The following FREM2 variants were observed in gnomAD, a reference collection of about 807,000 sequenced individuals.
FREM2 encodes FRAS1-related extracellular matrix protein 2.
Under a neutral mutation model 219.9 loss-of-function variants are expected in FREM2, and 119 were observed. That is an observed-to-expected ratio of 0.54 (90% CI 0.47 to 0.63). The LOEUF (loss-of-function observed/expected upper bound fraction) is 0.63. Ranked by LOEUF, FREM2 falls within the 30% of genes least tolerant of loss-of-function variation. The pLI is 0.00. For synonymous variants in FREM2, 1,562 were observed against 1,522.8 expected (o/e 1.03, Z -0.60); for missense variants, 4,030 against 3,993.6 (o/e 1.01, Z -0.25).
intron 3 of FREM2, among the ~76,000 whole-genome samples, chr13:38,765,755 G>A (rs185122460): frequency 5.3e-5 from 8 of 151,826 alleles, no homozygotes; most frequent in East Asian, 1.9e-4. Context: ...GTTTTCACAC[G>A]ACACTTTCCC....
intron 2 of FREM2, among the ~76,000 whole-genome samples, chr13:38,714,102 G>C (rs933839639): frequency 2.6e-5 from 4 of 152,224 alleles, no homozygotes; most frequent in African/African-American, 9.6e-5. Context: ...GTGATAAACT[G>C]TTTAGGGACA....
At chr13:38,830,989 C>G (rs1593433672) in intron 6 of FREM2, among the ~76,000 whole-genome samples, 1 of 152,022 alleles carries the variant, frequency 6.6e-6, no homozygotes, top group African/African-American at 2.4e-5. Context: ...AGATGAGGCC[C>G]CAGGAATGTG....
chr13:38,798,521 A>G (rs747461712), intron 6 of FREM2, among the ~76,000 whole-genome samples: 3 of 151,944 alleles, frequency 2.0e-5, no homozygotes, highest in Non-Finnish European at 4.4e-5. Context: ...TATTTTTTGT[A>G]CTAGTTTTAG....
chr13:38,872,177 TAA>T (rs973933445), intron 16 of FREM2, among the ~76,000 whole-genome samples: 2 of 152,174 alleles, frequency 1.3e-5, no homozygotes, highest in African/African-American at 4.8e-5. Flanking sequence ...AACATTATGC[TAA>T]ATGAAAGAAA....
In FREM2 at chr13:38,838,665, A is replaced by G. The variant is rs1340892605; in HGVS notation, c.6020-7908A>G. ...TTGGAGGCTTTGTTCGTTCCTTTTC[A>G]TTATGTTTTCTCTAATCTTGTCTTC... On this transcript the variant is annotated intron_variant, in intron 6 of 23. Coordinates refer to ENST00000280481, the MANE Select transcript of FREM2 (RefSeq NM_207361.6). Among the ~76,000 whole-genome samples the G allele has an allele frequency of 3.3e-5, 5 of 152,032 alleles. 1 individual carries two copies. Among genetic ancestry groups the G allele is most frequent in the Admixed American group, 3.3e-4 (5 of 15,268 alleles).
intron 2 of FREM2, among the ~76,000 whole-genome samples, chr13:38,704,329 C>T (rs1026770886): frequency 5.9e-5 from 9 of 152,082 alleles, no homozygotes; most frequent in Non-Finnish European, 7.3e-5. Context: ...AAGAAGTAGA[C>T]GAATGAGTTA....
intron 6 of FREM2, among the ~76,000 whole-genome samples, chr13:38,795,689 T>G (rs892050633): frequency 2.0e-5 from 3 of 152,204 alleles, no homozygotes; most frequent in Non-Finnish European, 2.9e-5. Context: ...GCTAATTTGT[T>G]CTGTATAATT....
intron 4 of FREM2, among the ~76,000 whole-genome samples, chr13:38,779,158 A>G (rs896757715): frequency 1.3e-5 from 2 of 152,000 alleles, no homozygotes; most frequent in Non-Finnish European, 2.9e-5. Flanking sequence ...GTTCTCACTC[A>G]TAAGTGGGAG....
chr13:38,688,552 A>T lies in FREM2; in HGVS notation c.1208A>T (p.Asp403Val). The T allele has an allele frequency of 6.2e-7, 1 of 1,613,666 alleles. No homozygotes were observed. The highest frequency in any genetic ancestry group is 1.1e-5 in the South Asian group (1 of 91,008). Residue 403 changes from aspartate to valine, a missense_variant, in exon 1 of 24, where the codon GAC becomes GTC. Asp to Val is a radical substitution (Grantham distance 152). Transcript: ENST00000280481. ...TACCAGCCCCCTTCTGAAGACTCTG[A>T]CCAGGAGCGCCTCTTTGAACTGGAA... ...IAYQPPSEDS[D>V]QERLFELELE...
intron 14 of FREM2, among the ~76,000 whole-genome samples, chr13:38,860,900 T>C (rs1337113971): frequency 2.0e-5 from 3 of 152,200 alleles, no homozygotes; most frequent in Admixed American, 2.0e-4. Context: ...GAGAAAACTC[T>C]ACTGTACATA....
chr13:38,819,545 G>C (rs141651565), intron 6 of FREM2, among the ~76,000 whole-genome samples: 526 of 152,256 alleles, frequency 3.5e-3, no homozygotes, highest in Middle Eastern at 6.8e-3. Context: ...TAGTCTGCTA[G>C]AGTGGTTTTA....
chr13:38,814,164 A>G (rs1176764636), intron 6 of FREM2, among the ~76,000 whole-genome samples: 1 of 152,170 alleles, frequency 6.6e-6, no homozygotes, highest in African/African-American at 2.4e-5. Context: ...GAGAAGACAT[A>G]CATCTCTGTT....
At position 38,874,476 on chromosome 13, in the gene FREM2, T is replaced by C; in HGVS notation, c.8177-6T>C. 2 of 1,611,342 alleles carry C rather than the reference T, an allele frequency of 1.2e-6. No homozygotes were observed. On this transcript the variant is annotated splice_region_variant and splice_polypyrimidine_tract_variant and intron_variant, in intron 17 of 23. Coordinates refer to ENST00000280481, the MANE Select transcript of FREM2 (RefSeq NM_207361.6). The stretch of plus-strand genomic sequence containing the variant: ...ATTTTCATTCTTGGTACTCTCCCCA[T>C]TATAGGTTCTCTCTATCCAACCAGC...
At chr13:38,806,837 CTG>C (rs1875246873) in intron 6 of FREM2, among the ~76,000 whole-genome samples, 1 of 151,892 alleles carries the variant, frequency 6.6e-6, no homozygotes, top group African/African-American at 2.4e-5. Context: ...CTTTCAAACT[CTG>C]TCACTGCTTT....
In FREM2 at chr13:38,794,464, C is replaced by T. The variant is rs778667373; in HGVS notation, c.6019+9656C>T. On this transcript the variant is annotated intron_variant, in intron 6 of 23. Coordinates refer to ENST00000280481, the MANE Select transcript of FREM2 (RefSeq NM_207361.6). ...AGCTTATTTTGTGTATTTTTCTTTA[C>T]CACGTGCAAATATTTCACCAATTTT... Among the ~76,000 whole-genome samples, 67 of 152,100 alleles carry T rather than the reference C, an allele frequency of 4.4e-4. 1 individual carries two copies. Among genetic ancestry groups the T allele is most frequent in the Admixed American group, 9.8e-4 (15 of 15,264 alleles).
intron 6 of FREM2, among the ~76,000 whole-genome samples, chr13:38,797,735 A>G (rs1874849031): frequency 6.6e-6 from 1 of 151,820 alleles, no homozygotes. Context: ...ATAGTTTCAT[A>G]GTAGTTCTTA....
intron 2 of FREM2, among the ~76,000 whole-genome samples, chr13:38,754,530 G>A (rs1306853717): frequency 6.6e-6 from 1 of 152,096 alleles, no homozygotes; most frequent in African/African-American, 2.4e-5. Context: ...ACACCCCTTG[G>A]AATGTAAAGT....
At chr13:38,833,582 AT>A (rs1187274439) in intron 6 of FREM2, among the ~76,000 whole-genome samples, 2 of 152,096 alleles carry the variant, frequency 1.3e-5, no homozygotes, top group Admixed American at 6.6e-5. Context: ...TGTTATCTCA[AT>A]TTTTAGGTTC....
At chr13:38,719,984 A>G (rs1871158444) in intron 2 of FREM2, among the ~76,000 whole-genome samples, 1 of 152,228 alleles carries the variant, frequency 6.6e-6, no homozygotes, top group South Asian at 2.1e-4. Flanking sequence ...AGTAAAATTC[A>G]GACATTACAG....
Sources: gnomAD v4.1 joint callset for allele counts (sites outside exome capture counted in the v4.1 genomes callset) on GRCh38, gnomAD v4.1.1 for gene constraint, MANE v1.5 for transcripts, NCBI Gene and HGNC (gene_info 2026-07-23, HGNC 2026-07-21) for gene names.